TMEM51: variants seen among roughly 807,000 people sequenced by gnomAD.
TMEM51 encodes transmembrane protein 51.
TMEM51 carries 8 observed loss-of-function variants against 13.6 expected under a neutral mutation model. The observed-to-expected ratio is 0.59, with a 90% CI of 0.35 to 1.07. The LOEUF is 1.07. TMEM51 is among the 50% of genes least tolerant of loss of function. The pLI, the probability that TMEM51 is intolerant of heterozygous loss-of-function variation, is 0.02. For missense variants in TMEM51, 279 were observed against 330.7 expected, an observed-to-expected ratio of 0.84 and a Z score of 1.21; for synonymous variants, 147 against 144.4, an observed-to-expected ratio of 1.02 and a Z score of -0.13.
At chr1:15,192,449 T>TTCTCTTC in intron 1 of TMEM51, 1 of 161,774 alleles carries the variant, frequency 6.2e-6, no homozygotes, top group Non-Finnish European at 1.0e-5. Context: ...TTTCTTTCTT[T>TTCTCTTC]CTTTTCTTTT....
At chr1:15,165,838 A>G (rs112123397) in intron 1 of TMEM51, among the ~76,000 whole-genome samples, 7 of 152,118 alleles carry the variant, frequency 4.6e-5, no homozygotes, top group Non-Finnish European at 1.0e-4. Flanking sequence ...TTGTACATCA[A>G]ATTTTTCAAA....
chr1:15,187,330 C>G (rs933708240), intron 1 of TMEM51, among the ~76,000 whole-genome samples: 2 of 152,208 alleles, frequency 1.3e-5, no homozygotes, highest in South Asian at 4.1e-4. Context: ...CACTTCTGCT[C>G]GCTTTTCCCT....
At chr1:15,186,834 G>A (rs1643792141) in intron 1 of TMEM51, among the ~76,000 whole-genome samples, 1 of 152,130 alleles carries the variant, frequency 6.6e-6, no homozygotes, top group Non-Finnish European at 1.5e-5. Context: ...GAGACCACAG[G>A]GGAGGCCTTT....
intron 1 of TMEM51, among the ~76,000 whole-genome samples, chr1:15,194,452 C>T (rs926529163): frequency 6.6e-6 from 1 of 152,210 alleles, no homozygotes; most frequent in East Asian, 1.9e-4. Context: ...ATTCCTGCCA[C>T]GTGCCCCTTG....
rs781123301 is a variant in TMEM51, at chr1:15,207,121, C to G, written c.-266-3369C>G. On this transcript the variant is annotated intron_variant, in intron 1 of 3. Transcript: ENST00000376008. The surrounding 1 kb of genome is among the most constrained non-coding windows in gnomAD (Gnocchi z 4.6). ...TGAATGTGGCACAGCCCGGTGGAAC[C>G]GGGGATCCCTTTCCCAATTATGCAG... is the stretch of plus-strand genomic sequence containing the variant. 6.6e-6 allele frequency among the ~76,000 whole-genome samples: 1 copy of G among 152,230 alleles called. No individual in the cohort carries two copies. Among genetic ancestry groups the G allele is most frequent in the Non-Finnish European group, 1.5e-5 (1 of 68,046 alleles).
intron 1 of TMEM51, among the ~76,000 whole-genome samples, chr1:15,156,558 T>G (rs1642599890): frequency 6.6e-6 from 1 of 152,260 alleles, no homozygotes; most frequent in African/African-American, 2.4e-5. Flanking sequence ...TGCTGACTTT[T>G]GCTTTCACTT....
Position 15,219,457 on chromosome 1 carries a change from C to T in TMEM51, c.476C>T (p.Pro159Leu), listed in dbSNP as rs755273479. 2.5e-5 allele frequency: 41 copies of T among 1,614,004 alleles called. No homozygotes were observed. The highest frequency in any genetic ancestry group is 3.0e-5 in the Non-Finnish European group (35 of 1,180,026). ...AACCCGAGGTTGAGCATCTCTCTCC[C>T]GTCCTATGAGTCACTGACGGGGCTC... Reference protein sequence around the residue: ...EQNPRLSISLPSYESLTGLDE... With the variant: ...EQNPRLSISLLSYESLTGLDE... Residue 159 changes from proline to leucine, a missense_variant, in exon 4 of 4, where the codon CCG (proline) becomes CTG (leucine). Physicochemically the swap from Pro to Leu is moderately conservative, Grantham distance 98. Transcript: ENST00000376008.
rs3078881 is a variant in TMEM51 at position 15,193,575 on chromosome 1, C to CTTTTTTTTTTTTT, written c.-266-16907_-266-16895dup. Among the ~76,000 whole-genome samples, 99 of 114,632 alleles carry CTTTTTTTTTTTTT rather than the reference C, an allele frequency of 8.6e-4. 3 individuals carry two copies. The highest frequency in any genetic ancestry group is 2.4e-3 in the African/African-American group (68 of 28,090). 75.2% of individuals were successfully genotyped at this position (114,632 alleles called of 152,430 possible). On this transcript the variant is annotated intron_variant, in intron 1 of 3. Coordinates refer to ENST00000376008, the MANE Select transcript of TMEM51 (RefSeq NM_001136218.2). ...CATTTTCTTTTTCTTTTCTTTCTTT[C>CTTTTTTTTTTTTT]TTTTTTTTTTTTTTTTTTTTGAGAC...
At position 15,219,636 on chromosome 1, in the gene TMEM51, A is replaced by C; in HGVS notation, c.655A>C (p.Asn219His). 6.2e-7 allele frequency: 1 copy of C among 1,614,086 alleles called. No homozygotes were observed. Among genetic ancestry groups the C allele is most frequent in the Non-Finnish European group, 8.5e-7 (1 of 1,180,052 alleles). Residue 219 changes from asparagine to histidine, a missense_variant, in exon 4 of 4, where the codon AAC becomes CAC. By Grantham distance (68) the Asn-to-His change is moderately conservative (BLOSUM62 1). Transcript: ENST00000376008. ...EKLHLKDFRINLPDKNVPPPS... is the reference protein window; with the variant it reads ...EKLHLKDFRIHLPDKNVPPPS... ...GCTTCACCTCAAAGACTTTAGGATC[A>C]ACCTCCCAGACAAAAACGTCCCTCC...
At chr1:15,196,200 A>G (rs16851396) in intron 1 of TMEM51, among the ~76,000 whole-genome samples, 6,873 of 152,144 alleles carry the variant, frequency 0.045, 373 homozygotes, top group East Asian at 0.29. Context: ...TGGGATGTGA[A>G]CTCAGCTGGA....
chr1:15,212,733 C>T (rs1376216422), intron 2 of TMEM51, among the ~76,000 whole-genome samples: 1 of 152,218 alleles, frequency 6.6e-6, no homozygotes, highest in African/African-American at 2.4e-5. Context: ...CTGGTCCTAC[C>T]GCAGCTGTCT....
rs1441591158 is a variant in TMEM51 at position 15,220,044 on chromosome 1, A to G, written c.*301A>G. ...TTTCACTCCGAATCGCTGGCGACAC[A>G]TTCTCCTTTCCAGCTAGGAAAGGGT... On this transcript the variant is annotated 3_prime_UTR_variant, in exon 4 of 4. Coordinates refer to ENST00000376008, the MANE Select transcript of TMEM51 (RefSeq NM_001136218.2). 1 of 371,430 alleles carries G rather than the reference A, an allele frequency of 2.7e-6. No individual in the cohort carries two copies. 23.0% of individuals were successfully genotyped at this position (371,430 alleles called of 1,614,324 possible).
chr1:15,183,811 C>G (rs1643688987), intron 1 of TMEM51, among the ~76,000 whole-genome samples: 1 of 152,204 alleles, frequency 6.6e-6, no homozygotes, highest in Non-Finnish European at 1.5e-5. Flanking sequence ...CAGAGAACTG[C>G]ATGGACAACT....
In TMEM51 at chr1:15,160,553, C is replaced by T. The variant is rs150749834; in HGVS notation, c.-267+6599C>T. ...CCTCTCAAAGTGCTAGGATTACAGG[C>T]GTGAGCCACCACACCCAGCAAGAAC... On this transcript the variant is annotated intron_variant, in intron 1 of 3. Transcript: ENST00000376008. Among the ~76,000 whole-genome samples the T allele has an allele frequency of 1.0e-3, 158 of 152,090 alleles. 3 individuals carry two copies. Among genetic ancestry groups the T allele is most frequent in the African/African-American group, 3.7e-3 (153 of 41,410 alleles).
At chr1:15,153,198 G>T (rs558317557), upstream of TMEM51, among the ~76,000 whole-genome samples, 93 of 141,864 alleles carry the variant, frequency 6.6e-4, no homozygotes, top group Non-Finnish European at 1.1e-3. Flanking sequence ...CAGGGCAGAA[G>T]GGGGAGAGGG....
chr1:15,182,202 A>G (rs12566809), intron 1 of TMEM51, among the ~76,000 whole-genome samples: 18,010 of 84,472 alleles, frequency 0.21, 1,341 homozygotes, highest in East Asian at 0.57. Flanking sequence ...ATAAATAAAT[A>G]AATAACTGCA....
intron 2 of TMEM51, among the ~76,000 whole-genome samples, chr1:15,213,265 A>C (rs1376396934): frequency 6.6e-6 from 1 of 152,260 alleles, no homozygotes; most frequent in Admixed American, 6.5e-5. Context: ...GAACAGACTT[A>C]AAGCTGATAA....
chr1:15,152,865 G>A (rs889404289), upstream of TMEM51: 1 of 152,230 alleles, frequency 6.6e-6, no homozygotes, highest in Non-Finnish European at 1.5e-5. Context: ...CCGTGGATCC[G>A]AGCAGAGACT....
chr1:15,168,665 A>C, intron 1 of TMEM51: 1 of 1,304,414 alleles, frequency 7.7e-7, no homozygotes, highest in South Asian at 1.2e-5. Flanking sequence ...GCATCTGAGG[A>C]AGTCTGTTGG....
Sources: gnomAD v4.1 joint callset for allele counts (sites outside exome capture counted in the v4.1 genomes callset) on GRCh38, gnomAD v4.1.1 for gene constraint, Gnocchi (gnomAD v3.1) non-coding constraint, MANE v1.5 for transcripts, NCBI Gene and HGNC (gene_info 2026-07-23, HGNC 2026-07-21) for gene names.